DISP1: variants seen among roughly 807,000 people sequenced by gnomAD.
DISP1 encodes the protein dispatched RND transporter family member 1.
A neutral mutation model predicts 37.3 loss-of-function variants in DISP1; 30 were observed. That is an observed-to-expected ratio of 0.80 (90% CI 0.60 to 1.09). The LOEUF (loss-of-function observed/expected upper bound fraction) is 1.09, where lower values mean the gene tolerates loss of function less well. DISP1 is among the 50% of genes least tolerant of loss of function. The pLI is 0.00. For synonymous variants in DISP1, 634 were observed against 690.2 expected (o/e 0.92, Z 1.28); for missense variants, 1,598 against 1,879.5 (o/e 0.85, Z 2.77).
At chr1:222,909,250 G>A (rs956284798) in intron 1 of DISP1, among the ~76,000 whole-genome samples, 2 of 152,080 alleles carry the variant, frequency 1.3e-5, no homozygotes, top group Non-Finnish European at 2.9e-5. Flanking sequence ...AAGTCAGAAG[G>A]ACATGTGTCA....
rs540742727 is a variant in DISP1, at chr1:222,936,768, TTA to T, written c.-17-6031_-17-6030del. 3.8e-3 allele frequency among the ~76,000 whole-genome samples: 259 copies of T among 67,464 alleles called. 3 individuals are homozygous for T. Among genetic ancestry groups the T allele is most frequent in the Non-Finnish European group, 6.2e-3 (212 of 34,028 alleles). The allele number at this position is 67,464 out of a possible 152,430, so 44.3% of individuals were successfully genotyped here. Reference sequence around the variant, plus strand: ...ATATCATATATATGATATATAAAAATTATATATATCATATATAATATATATAA... The same window carrying T: ...ATATCATATATATGATATATAAAAATTATATATCATATATAATATATATAA... On this transcript the variant is annotated intron_variant, in intron 2 of 8. Coordinates refer to ENST00000675850, the MANE Select transcript of DISP1 (RefSeq NM_001377229.1).
intron 1 of DISP1, among the ~76,000 whole-genome samples, chr1:222,871,626 C>A (rs1390256960): frequency 1.3e-5 from 2 of 152,164 alleles, no homozygotes; most frequent in African/African-American, 4.8e-5. Context: ...GTGATTTTTG[C>A]ACATTGATTT....
At chr1:222,833,719 A>C (rs1266579638) in intron 1 of DISP1, among the ~76,000 whole-genome samples, 2 of 152,256 alleles carry the variant, frequency 1.3e-5, no homozygotes, top group Admixed American at 6.5e-5. Flanking sequence ...AGCTCTAATT[A>C]ACTTGACAGA....
rs1671050721 is a variant in DISP1, at chr1:222,893,463, A to G, written c.-158-34967A>G. ...ACCGGCCCGGATCCCACACCTGCCA[A>G]AGGCAAGCCAGGCATGGAGCGGTGA... is the stretch of plus-strand genomic sequence containing the variant. On this transcript the variant is annotated intron_variant, in intron 1 of 8. Transcript: ENST00000675850. This position sits in a 1 kb window ranked among gnomAD's most constrained non-coding sequence, Gnocchi z 4.3. 6.6e-6 allele frequency among the ~76,000 whole-genome samples: 1 copy of G among 152,208 alleles called. No individual in the cohort carries two copies. The highest frequency in any genetic ancestry group is 2.4e-5 in the African/African-American group (1 of 41,464).
At chr1:222,981,603 G>A (rs1677843153) in intron 3 of DISP1, among the ~76,000 whole-genome samples, 1 of 152,170 alleles carries the variant, frequency 6.6e-6, no homozygotes, top group Non-Finnish European at 1.5e-5. Flanking sequence ...TTAGATAAAT[G>A]TTTCTTTTTA....
At position 222,893,908 on chromosome 1, in the gene DISP1, A is replaced by AC. The variant is rs1236091529; in HGVS notation, c.-158-34522_-158-34521insC. On this transcript the variant is annotated intron_variant, in intron 1 of 8. Transcript: ENST00000675850. This position sits in a 1 kb window ranked among gnomAD's most constrained non-coding sequence, Gnocchi z 4.3. ...TCCAGGAATAATGAGGTACATGGAC[A>AC]ACTGGAGTGTGAGCAAGGTGGAGAG... 6.6e-6 allele frequency among the ~76,000 whole-genome samples: 1 copy of AC among 152,208 alleles called. No individual in the cohort carries two copies. Among genetic ancestry groups the AC allele is most frequent in the African/African-American group, 2.4e-5 (1 of 41,450 alleles).
In DISP1 at chr1:222,896,052, G is replaced by A. The variant is rs573273632; in HGVS notation, c.-158-32378G>A. Among the ~76,000 whole-genome samples, 3 of 152,300 alleles carry A rather than the reference G, an allele frequency of 2.0e-5. No homozygotes were observed. In the East Asian group the frequency reaches 5.8e-4, roughly 29 times the overall value. On this transcript the variant is annotated intron_variant, in intron 1 of 8. Transcript: ENST00000675850. ...CTACAAGGTGCAGTGGCTCATGCCT[G>A]TAATCCCAGCAGTTTGGGAGGTCCA...
chr1:222,947,694 C>T (rs1339670530), intron 3 of DISP1, among the ~76,000 whole-genome samples: 4 of 151,800 alleles, frequency 2.6e-5, no homozygotes, highest in African/African-American at 4.8e-5. Flanking sequence ...AGATCCTTGC[C>T]GACACTTGTT....
At chr1:222,886,946 C>A (rs542057648) in intron 1 of DISP1, among the ~76,000 whole-genome samples, 1 of 152,296 alleles carries the variant, frequency 6.6e-6, no homozygotes, top group South Asian at 2.1e-4. Context: ...TGTCATGCAT[C>A]TCTCAGAATT....
intron 1 of DISP1, among the ~76,000 whole-genome samples, chr1:222,917,878 T>TTG (rs1347991139): frequency 6.6e-6 from 1 of 152,104 alleles, no homozygotes; most frequent in East Asian, 1.9e-4. Flanking sequence ...CAATGGCCTA[T>TTG]TTGGTAGTTG....
intron 1 of DISP1, among the ~76,000 whole-genome samples, chr1:222,842,313 TAA>T (rs1231331032): frequency 0.07 from 10,365 of 148,896 alleles, 401 homozygotes; most frequent in Non-Finnish European, 0.086. Flanking sequence ...CCTGTCATTT[TAA>T]AAAAAAAAAA....
At chr1:222,838,439 C>T (rs1667382132) in intron 1 of DISP1, among the ~76,000 whole-genome samples, 1 of 151,706 alleles carries the variant, frequency 6.6e-6, no homozygotes, top group Non-Finnish European at 1.5e-5. Context: ...CCTTTTCTTC[C>T]AATGTTATTA....
intron 4 of DISP1, among the ~76,000 whole-genome samples, chr1:222,983,414 C>T (rs978582359): frequency 6.6e-6 from 1 of 151,936 alleles, no homozygotes; most frequent in African/African-American, 2.4e-5. Context: ...GTCGGGAGTT[C>T]GGGACCAGCC....
At chr1:222,941,945 A>T (rs1572571946) in intron 2 of DISP1, among the ~76,000 whole-genome samples, 1 of 139,072 alleles carries the variant, frequency 7.2e-6, no homozygotes, top group Non-Finnish European at 1.5e-5. Context: ...GAATTCCCGG[A>T]TTTTGTGTGT....
Position 222,970,536 on chromosome 1 carries a change from C to T in DISP1, c.510-12544C>T, listed in dbSNP as rs1367414574. ...CCTGGCTCACTAGCTTTAGCCATGC[C>T]AGAGTGTTGAAATACTTTAGGAGAC... is the stretch of plus-strand genomic sequence containing the variant. On this transcript the variant is annotated intron_variant, in intron 3 of 8. Coordinates refer to ENST00000675850, the MANE Select transcript of DISP1 (RefSeq NM_001377229.1). Among the ~76,000 whole-genome samples, 4 of 152,066 alleles carry T rather than the reference C, an allele frequency of 2.6e-5. No individual in the cohort carries two copies. In the East Asian group the frequency reaches 7.7e-4, roughly 29 times the overall value.
chr1:222,818,402 T>C (rs1367629728), intron 1 of DISP1, among the ~76,000 whole-genome samples: 2 of 152,342 alleles, frequency 1.3e-5, no homozygotes, highest in Non-Finnish European at 2.9e-5. Context: ...TGGTGGAGCC[T>C]CCCACCTCTT....
chr1:222,834,907 T>C (rs1219882165), intron 1 of DISP1, among the ~76,000 whole-genome samples: 1 of 152,186 alleles, frequency 6.6e-6, no homozygotes, highest in Non-Finnish European at 1.5e-5. Flanking sequence ...AAATAACGCA[T>C]GTGAAGTACC....
intron 3 of DISP1, chr1:222,945,984 A>G (rs751020066): frequency 1.3e-5 from 2 of 152,204 alleles, no homozygotes; most frequent in South Asian, 2.1e-4. Context: ...GAAAAACATT[A>G]ACTTTAAAAT....
chr1:222,963,843 A>G (rs561928640), intron 3 of DISP1, among the ~76,000 whole-genome samples: 31 of 152,096 alleles, frequency 2.0e-4, no homozygotes, highest in Non-Finnish European at 4.3e-4. Context: ...GTATACCTAT[A>G]TAACAAACCT....
Sources: allele counts gnomAD v4.1 joint callset (sites outside exome capture counted in the v4.1 genomes callset), GRCh38; gene constraint gnomAD v4.1.1; non-coding constraint Gnocchi (gnomAD v3.1); transcripts MANE v1.5; gene names NCBI Gene and HGNC (gene_info 2026-07-23, HGNC 2026-07-21).